NINL: variants seen among roughly 807,000 people sequenced by gnomAD.
NINL encodes the protein ninein-like protein.
Under a neutral mutation model 160.3 loss-of-function variants are expected in NINL, and 153 were observed. That is an observed-to-expected ratio of 0.95 (90% CI 0.84 to 1.09). NINL has a LOEUF of 1.09. NINL is among the 50% of genes least tolerant of loss of function. The pLI is 0.00. For synonymous variants in NINL, 800 were observed against 734.8 expected (o/e 1.09, Z -1.43); for missense variants, 1,829 against 1,764.0 (o/e 1.04, Z -0.66).
chr20:25,481,905 G>C, intron 14 of NINL, 63 bp downstream of exon 14: 1 of 1,563,326 alleles, frequency 6.4e-7, no homozygotes, highest in Non-Finnish European at 8.6e-7. Context: ...TCTTTTCCTG[G>C]CTCTGGGCCT....
At chr20:25,557,191 T>C (rs6050679) in intron 1 of NINL, among the ~76,000 whole-genome samples, 1 of 152,148 alleles carries the variant, frequency 6.6e-6, no homozygotes, top group South Asian at 2.1e-4. Flanking sequence ...CTACCATGCA[T>C]ACTGTAAACA....
At chr20:25,533,289 C>T (rs541530998) in intron 1 of NINL, among the ~76,000 whole-genome samples, 195 of 152,242 alleles carry the variant, frequency 1.3e-3, no homozygotes, top group Non-Finnish European at 2.1e-3. Context: ...GAGCCCAAAA[C>T]ACACACACGC....
In NINL at chr20:25,458,481, G is replaced by C. The variant is rs201845524; in HGVS notation, c.3745C>G (p.Gln1249Glu). 2.5e-5 allele frequency: 40 copies of C among 1,602,692 alleles called. No individual in the cohort carries two copies. In the Admixed American group the frequency reaches 3.0e-4, roughly 12 times the overall value. The change falls in exon 22 of 24, where the codon CAG becomes GAG. Residue 1249 changes from glutamine to glutamate, a missense_variant. By Grantham distance (29) the Gln-to-Glu change is conservative. Transcript: ENST00000278886. ...RLRQAQAQHL[Q>E]EVRLVPQDRV... ...TCCTGGGGCACCAGCCGGACCTCCT[G>C]CAAGTGCTGGGCCTGGGCCTGCCTC...
intron 1 of NINL, among the ~76,000 whole-genome samples, chr20:25,583,961 C>T (rs1466757408): frequency 2.0e-5 from 3 of 151,952 alleles, no homozygotes; most frequent in African/African-American, 7.3e-5. Flanking sequence ...CATCACACAC[C>T]TCACACATCG....
intron 10 of NINL, 28 bp downstream of exon 10, chr20:25,496,635 G>A (rs748388194): frequency 6.2e-7 from 1 of 1,602,440 alleles, no homozygotes; most frequent in Non-Finnish European, 8.5e-7. Flanking sequence ...GCCCAGGTAA[G>A]AATCCACCAC....
intron 1 of NINL, among the ~76,000 whole-genome samples, chr20:25,582,591 C>T (rs1283451225): frequency 6.6e-6 from 1 of 152,210 alleles, no homozygotes; most frequent in Non-Finnish European, 1.5e-5. Flanking sequence ...AAACACACAT[C>T]CCACTTTTAT....
chr20:25,459,494 C>T (rs2090781789), intron 21 of NINL, among the ~76,000 whole-genome samples: 1 of 152,202 alleles, frequency 6.6e-6, no homozygotes, highest in Admixed American at 6.5e-5. Flanking sequence ...AGGGAAGAAC[C>T]AGTTCTAAAT....
chr20:25,545,742 T>A (rs2064723478), intron 1 of NINL, among the ~76,000 whole-genome samples: 1 of 152,230 alleles, frequency 6.6e-6, no homozygotes, highest in Admixed American at 6.5e-5. Context: ...AGTACTTTAC[T>A]ACAAACTATA....
Position 25,462,556 on chromosome 20 carries a change from T to C in NINL, c.3424-15A>G. 2.5e-6 allele frequency: 4 copies of C among 1,591,048 alleles called. No homozygotes were observed. Among genetic ancestry groups the C allele is most frequent in the Non-Finnish European group, 3.4e-6 (4 of 1,170,892 alleles). On this transcript the variant is annotated splice_polypyrimidine_tract_variant and intron_variant, in intron 19 of 23. Coordinates refer to ENST00000278886, the MANE Select transcript of NINL (RefSeq NM_025176.6). ...TAGTTCTGATTCTGGGGGAAAAAGT[T>C]TTTAAATACATAAGAAAAAAATGTT...
chr20:25,559,865 C>T (rs1340662714), intron 1 of NINL, among the ~76,000 whole-genome samples: 2 of 152,078 alleles, frequency 1.3e-5, no homozygotes, highest in African/African-American at 4.8e-5. Flanking sequence ...CTTCAGCCTC[C>T]CAAACTGTTG....
chr20:25,544,984 A>G (rs2064714892), intron 1 of NINL, among the ~76,000 whole-genome samples: 2 of 152,260 alleles, frequency 1.3e-5, no homozygotes, highest in South Asian at 4.1e-4. Flanking sequence ...AAGTATGACA[A>G]GTGAGATGAG....
chr20:25,496,862 C>A, intron 9 of NINL, 59 bp from the exon 10 acceptor site: 1 of 1,595,652 alleles, frequency 6.3e-7, no homozygotes, highest in African/African-American at 1.3e-5. Context: ...ACCCGCCATG[C>A]CAGGTGGCTC....
chr20:25,468,075 A>G (rs1015524160), intron 18 of NINL, among the ~76,000 whole-genome samples: 15 of 151,496 alleles, frequency 9.9e-5, no homozygotes, highest in Admixed American at 2.6e-4. Context: ...CATAATTGGG[A>G]AAAAAAAAGG....
chr20:25,480,348 G>T, intron 14 of NINL, 81 bp from the exon 15 acceptor site: 1 of 1,087,516 alleles, frequency 9.2e-7, no homozygotes. Flanking sequence ...CTGATATTTT[G>T]GCATTGGCAT....
chr20:25,501,092 C>CTCAG, intron 7 of NINL, 82 bp from the exon 8 acceptor site: 1 of 1,498,824 alleles, frequency 6.7e-7, no homozygotes, highest in Non-Finnish European at 8.9e-7. Context: ...CCACCCTCCC[C>CTCAG]AGCCTGTGCT....
chr20:25,500,954 G>C lies in NINL; in HGVS notation c.918C>G (p.Cys306Trp), dbSNP rs764949731. Reference sequence around the variant, plus strand: ...TGCTGGAGAAGAGGCGCAGGCTGGAGCACAGGGACACGAGGGATGAGGTTG... The same window carrying C: ...TGCTGGAGAAGAGGCGCAGGCTGGACCACAGGGACACGAGGGATGAGGTTG... ...TTTTSSLVSL[C>W]SSLRLFSSID... The change falls in exon 8 of 24, where the codon TGC (cysteine) becomes TGG (tryptophan). Residue 306 changes from cysteine to tryptophan, a missense_variant. Coordinates refer to ENST00000278886, the MANE Select transcript of NINL (RefSeq NM_025176.6). The C allele has an allele frequency of 4.3e-6, 7 of 1,614,216 alleles. No individual in the cohort carries two copies. The Admixed American group carries it at 1.2e-4, about 27-fold the overall frequency.
chr20:25,460,477 AGC>A, intron 21 of NINL, among the ~76,000 whole-genome samples: 1 of 152,286 alleles, frequency 6.6e-6, no homozygotes, highest in South Asian at 2.1e-4. Context: ...GGTGCCTCCC[AGC>A]GCCAGGTGCT....
At chr20:25,579,482 G>T (rs2065150145) in intron 1 of NINL, among the ~76,000 whole-genome samples, 1 of 152,218 alleles carries the variant, frequency 6.6e-6, no homozygotes, top group Non-Finnish European at 1.5e-5. Context: ...CGGGGACTGG[G>T]CACAGGTGAC....
intron 1 of NINL, among the ~76,000 whole-genome samples, chr20:25,564,409 T>G (rs953133723): frequency 1.3e-5 from 2 of 152,146 alleles, no homozygotes; most frequent in Non-Finnish European, 2.9e-5. Context: ...CCTCCACCTC[T>G]TGGGTTCAAC....
Sources: gnomAD v4.1 joint callset for allele counts (sites outside exome capture counted in the v4.1 genomes callset) on GRCh38, gnomAD v4.1.1 for gene constraint, MANE v1.5 for transcripts, NCBI Gene and HGNC (gene_info 2026-07-23, HGNC 2026-07-21) for gene names.